The following ANP32A variants were observed in gnomAD, a reference collection of about 807,000 sequenced individuals.
ANP32A encodes the protein acidic leucine-rich nuclear phosphoprotein 32 family member A.
A neutral mutation model predicts 33.9 loss-of-function variants in ANP32A; 1 was observed. The ratio of observed to expected loss-of-function variants is 0.03; its 90% CI spans 0.01 to 0.14. The LOEUF (loss-of-function observed/expected upper bound fraction) is 0.14. ANP32A is among the 10% of genes least tolerant of loss of function. ANP32A has a pLI of 1.00. For missense variants in ANP32A, 155 were observed against 306.0 expected, an observed-to-expected ratio of 0.51 and a Z score of 3.68; for synonymous variants, 115 against 120.5, an observed-to-expected ratio of 0.95 and a Z score of 0.30.
At chr15:68,813,607 G>T (rs1051277847) in intron 1 of ANP32A, among the ~76,000 whole-genome samples, 2 of 152,204 alleles carry the variant, frequency 1.3e-5, no homozygotes, top group African/African-American at 4.8e-5. Flanking sequence ...GGAGACCAGA[G>T]AACTAGCTAG....
chr15:68,818,758 G>A (rs1374558121), intron 1 of ANP32A, among the ~76,000 whole-genome samples: 1 of 150,582 alleles, frequency 6.6e-6, no homozygotes, highest in African/African-American at 2.4e-5. Flanking sequence ...CCGGCCCCGC[G>A]CTTGGCGCCC....
intron 1 of ANP32A, among the ~76,000 whole-genome samples, chr15:68,806,142 C>T (rs1894219201): frequency 6.6e-6 from 1 of 152,198 alleles, no homozygotes; most frequent in African/African-American, 2.4e-5. Context: ...TAACATCAGA[C>T]AGTAGTGGCC....
chr15:68,799,657 G>A (rs948932128), intron 1 of ANP32A, among the ~76,000 whole-genome samples: 10 of 152,164 alleles, frequency 6.6e-5, no homozygotes, highest in African/African-American at 2.2e-4. Flanking sequence ...GTGCTGATAG[G>A]AACACGTGGG....
At position 68,780,568 on chromosome 15, in the gene ANP32A, C is replaced by A; in HGVS notation, c.625-95G>T. On this transcript the variant is annotated intron_variant, in intron 5 of 6. Transcript: ENST00000465139. The surrounding 1 kb of genome is among the most constrained non-coding windows in gnomAD (Gnocchi z 4.3). Reference sequence around the variant, plus strand: ...GAGCACAAAAAGGCCGGGGTCACCCCCAGCCTCTCAGAGCCCCCACCAAGA... The same window carrying A: ...GAGCACAAAAAGGCCGGGGTCACCCACAGCCTCTCAGAGCCCCCACCAAGA... The A allele has an allele frequency of 6.5e-7, 1 of 1,548,246 alleles. No homozygotes were observed.
chr15:68,786,847 C>T lies in ANP32A; in HGVS notation c.327+566G>A, dbSNP rs192749238. On this transcript the variant is annotated intron_variant, in intron 3 of 6. Transcript: ENST00000465139. ...AGGCCCCTGAGAGCCTGTTCACTAT[C>T]GCAACAAGGACTGGTGACCAGGGGT... 6.3e-4 allele frequency among the ~76,000 whole-genome samples: 96 copies of T among 152,224 alleles called. 1 individual carries two copies. The highest frequency in any genetic ancestry group is 2.0e-3 in the African/African-American group (85 of 41,536).
intron 1 of ANP32A, among the ~76,000 whole-genome samples, chr15:68,799,230 C>T (rs1182533761): frequency 6.6e-6 from 1 of 151,984 alleles, no homozygotes; most frequent in Non-Finnish European, 1.5e-5. Flanking sequence ...TGAGGGAAAG[C>T]AAGGAAACTA....
intron 5 of ANP32A, among the ~76,000 whole-genome samples, chr15:68,782,524 A>C (rs1802663397): frequency 6.6e-6 from 1 of 151,968 alleles, no homozygotes; most frequent in Non-Finnish European, 1.5e-5. Flanking sequence ...CCATAGTGTC[A>C]CTCTCTGATT....
chr15:68,811,186 A>G (rs1050607588), intron 1 of ANP32A, among the ~76,000 whole-genome samples: 3 of 152,136 alleles, frequency 2.0e-5, no homozygotes, highest in Admixed American at 6.6e-5. Context: ...GTGGTGGAGT[A>G]AGAGAGGTGA....
intron 1 of ANP32A, among the ~76,000 whole-genome samples, chr15:68,817,883 C>T (rs1894407371): frequency 1.3e-5 from 2 of 152,154 alleles, no homozygotes; most frequent in Non-Finnish European, 2.9e-5. Flanking sequence ...TCCGCTCCCC[C>T]CGCCCCCCAC....
At chr15:68,809,186 G>A (rs1026990589) in intron 1 of ANP32A, among the ~76,000 whole-genome samples, 2 of 152,150 alleles carry the variant, frequency 1.3e-5, no homozygotes, top group Non-Finnish European at 2.9e-5. Context: ...GCTGACACAC[G>A]GCAGTGGAGC....
intron 1 of ANP32A, among the ~76,000 whole-genome samples, chr15:68,795,275 C>CA (rs1183865937): frequency 1.3e-5 from 2 of 152,120 alleles, no homozygotes; most frequent in Admixed American, 6.5e-5. Context: ...TTAAAACAAA[C>CA]AAAAAATCTC....
intron 1 of ANP32A, among the ~76,000 whole-genome samples, chr15:68,805,799 C>G (rs1432998185): frequency 3.3e-5 from 5 of 152,192 alleles, no homozygotes; most frequent in African/African-American, 1.2e-4. Context: ...TCCTTTAACG[C>G]AGCCTTATGG....
Position 68,813,240 on chromosome 15 carries a change from G to C in ANP32A, c.54+7458C>G, listed in dbSNP as rs76827189. Among the ~76,000 whole-genome samples the C allele has an allele frequency of 8.8e-4, 134 of 152,336 alleles. 1 individual carries two copies. The East Asian group carries it at 0.024, about 28-fold the overall frequency. Reference sequence around the variant, plus strand: ...GCAGGGTGTGGCCCAGCAGGCCCAGGACAGGGCTTGGTGTGGTAGAATAAA... The same window carrying C: ...GCAGGGTGTGGCCCAGCAGGCCCAGCACAGGGCTTGGTGTGGTAGAATAAA... On this transcript the variant is annotated intron_variant, in intron 1 of 6. Coordinates refer to ENST00000465139, the MANE Select transcript of ANP32A (RefSeq NM_006305.4).
At position 68,780,596 on chromosome 15, in the gene ANP32A, T is replaced by C. The variant is rs1252471730; in HGVS notation, c.625-123A>G. Reference sequence around the variant, plus strand: ...GCCTCTCAGAGCCCCCACCAAGACTTGACATCTCGGGAGGAATGTAAAGCA... The same window carrying C: ...GCCTCTCAGAGCCCCCACCAAGACTCGACATCTCGGGAGGAATGTAAAGCA... On this transcript the variant is annotated intron_variant, in intron 5 of 6. Transcript: ENST00000465139. This position sits in a 1 kb window ranked among gnomAD's most constrained non-coding sequence, Gnocchi z 4.3. 1 of 1,474,180 alleles carries C rather than the reference T, an allele frequency of 6.8e-7. No individual in the cohort carries two copies. Among genetic ancestry groups the C allele is most frequent in the Non-Finnish European group, 9.0e-7 (1 of 1,111,048 alleles). The allele number at this position is 1,474,180 out of a possible 1,614,324, so 91.3% of individuals were successfully genotyped here.
At chr15:68,781,824 G>A (rs540937659) in intron 5 of ANP32A, among the ~76,000 whole-genome samples, 3 of 152,172 alleles carry the variant, frequency 2.0e-5, no homozygotes, top group South Asian at 2.1e-4. Flanking sequence ...GGCTGGTCTC[G>A]ATCTCCTGAC....
At chr15:68,807,991 A>G (rs766136917) in intron 1 of ANP32A, among the ~76,000 whole-genome samples, 2 of 152,234 alleles carry the variant, frequency 1.3e-5, no homozygotes, top group Non-Finnish European at 2.9e-5. Context: ...TGTGATGAGC[A>G]GAACGTGGTT....
At chr15:68,809,826 C>CA (rs1381285849) in intron 1 of ANP32A, among the ~76,000 whole-genome samples, 1 of 152,228 alleles carries the variant, frequency 6.6e-6, no homozygotes, top group Non-Finnish European at 1.5e-5. Context: ...AGAATGCTTA[C>CA]CATGTGCCAG....
intron 1 of ANP32A, among the ~76,000 whole-genome samples, chr15:68,813,556 G>C (rs1894339358): frequency 6.6e-6 from 1 of 152,190 alleles, no homozygotes; most frequent in Admixed American, 6.5e-5. Flanking sequence ...TTCTCTACTT[G>C]AAGGCAGTGG....
chr15:68,786,618 A>G (rs747045960), intron 3 of ANP32A, among the ~76,000 whole-genome samples: 4 of 152,086 alleles, frequency 2.6e-5, no homozygotes, highest in Non-Finnish European at 5.9e-5. Flanking sequence ...ATGTGGTAGT[A>G]TTTCCTATTC....
Sources: allele counts gnomAD v4.1 joint callset (sites outside exome capture counted in the v4.1 genomes callset), GRCh38; gene constraint gnomAD v4.1.1; non-coding constraint Gnocchi (gnomAD v3.1); transcripts MANE v1.5; gene names NCBI Gene and HGNC (gene_info 2026-07-23, HGNC 2026-07-21).